The following IQCM variants were observed in gnomAD, a reference collection of about 807,000 sequenced individuals.
IQCM encodes IQ motif containing M.
In IQCM, 45 loss-of-function variants were observed where a neutral mutation model predicts 57.6. The observed-to-expected ratio is 0.78, with a 90% CI of 0.62 to 1.00. IQCM has a LOEUF of 1.00. Among genes scored for constraint, IQCM ranks in the 50% least tolerant of loss-of-function variants. The pLI, the probability that IQCM is intolerant of heterozygous loss-of-function variation, is 0.00. For missense variants in IQCM, 468 were observed against 511.6 expected, an observed-to-expected ratio of 0.91 and a Z score of 0.82; for synonymous variants, 148 against 158.9, an observed-to-expected ratio of 0.93 and a Z score of 0.51.
At chr4:149,647,980 A>G (rs1206130010) in intron 7 of IQCM, among the ~76,000 whole-genome samples, 3 of 152,134 alleles carry the variant, frequency 2.0e-5, no homozygotes, top group Non-Finnish European at 4.4e-5. Context: ...AATTCATTCC[A>G]CTAGTTACCT....
intron 8 of IQCM, among the ~76,000 whole-genome samples, chr4:149,602,238 A>G (rs1455792006): frequency 6.6e-6 from 1 of 152,120 alleles, no homozygotes; most frequent in Non-Finnish European, 1.5e-5. Flanking sequence ...AAAAAATAGT[A>G]TGCCACTTTA....
chr4:149,370,271 T>G (rs969068927), intron 13 of IQCM, among the ~76,000 whole-genome samples: 3 of 152,202 alleles, frequency 2.0e-5, no homozygotes, highest in Admixed American at 2.0e-4. Context: ...ATATTGGCAC[T>G]TCTACTTAAC....
At chr4:149,396,321 T>C (rs1732224573) in intron 13 of IQCM, among the ~76,000 whole-genome samples, 1 of 151,670 alleles carries the variant, frequency 6.6e-6, no homozygotes, top group South Asian at 2.1e-4. Flanking sequence ...CAGGTATACA[T>C]ATACATACAT....
intron 12 of IQCM, among the ~76,000 whole-genome samples, chr4:149,448,989 C>T (rs962190999): frequency 6.6e-6 from 1 of 151,122 alleles, no homozygotes; most frequent in Non-Finnish European, 1.5e-5. Context: ...CAAAATATTT[C>T]CAATATAAAA....
At chr4:149,556,667 C>T (rs1749616416) in intron 10 of IQCM, among the ~76,000 whole-genome samples, 1 of 152,136 alleles carries the variant, frequency 6.6e-6, no homozygotes, top group Admixed American at 6.6e-5. Context: ...AAAAATTGAA[C>T]ATTCTAAATA....
At chr4:149,709,464 T>A (rs750372676) in intron 5 of IQCM, among the ~76,000 whole-genome samples, 2 of 152,104 alleles carry the variant, frequency 1.3e-5, no homozygotes, top group Non-Finnish European at 2.9e-5. Flanking sequence ...CAAGGGGTCA[T>A]CACTAATGTG....
At chr4:149,600,792 T>C (rs1039728973) in intron 8 of IQCM, among the ~76,000 whole-genome samples, 3 of 152,210 alleles carry the variant, frequency 2.0e-5, no homozygotes, top group Non-Finnish European at 4.4e-5. Flanking sequence ...ACTCAGGATA[T>C]GCTTACATAA....
intron 5 of IQCM, among the ~76,000 whole-genome samples, chr4:149,692,829 T>A (rs1324253745): frequency 6.6e-6 from 1 of 152,072 alleles, no homozygotes; most frequent in Non-Finnish European, 1.5e-5. Context: ...AGAATTTCAG[T>A]TCTGAAATAT....
intron 13 of IQCM, among the ~76,000 whole-genome samples, chr4:149,413,171 A>G (rs1181834607): frequency 6.6e-6 from 1 of 152,200 alleles, no homozygotes; most frequent in Non-Finnish European, 1.5e-5. Context: ...GCCTTTTCCT[A>G]CCTAATAGTT....
At chr4:149,613,929 A>G (rs535863783) in intron 8 of IQCM, among the ~76,000 whole-genome samples, 1 of 152,138 alleles carries the variant, frequency 6.6e-6, no homozygotes, top group African/African-American at 2.4e-5. Context: ...ATAGCATTCC[A>G]TGGTGTATAT....
chr4:149,513,036 T>C (rs1012725221), intron 12 of IQCM, among the ~76,000 whole-genome samples: 4 of 152,196 alleles, frequency 2.6e-5, no homozygotes, highest in African/African-American at 9.6e-5. Flanking sequence ...GTGAACTATT[T>C]GTAGCCCAAA....
intron 12 of IQCM, among the ~76,000 whole-genome samples, chr4:149,452,366 G>A (rs776679887): frequency 6.7e-6 from 1 of 150,192 alleles, no homozygotes; most frequent in Non-Finnish European, 1.5e-5. Flanking sequence ...ATGAAAATAT[G>A]AAGTATCTAG....
chr4:149,436,072 T>G (rs1249258597), intron 12 of IQCM, among the ~76,000 whole-genome samples: 1 of 152,128 alleles, frequency 6.6e-6, no homozygotes, highest in Non-Finnish European at 1.5e-5. Flanking sequence ...AGTCATGTCC[T>G]AGGCCTTCAC....
intron 7 of IQCM, among the ~76,000 whole-genome samples, chr4:149,669,462 C>T (rs1761052283): frequency 6.6e-6 from 1 of 152,166 alleles, no homozygotes; most frequent in Non-Finnish European, 1.5e-5. Flanking sequence ...TTTTGCTATG[C>T]AGAAGCCCTT....
intron 13 of IQCM, among the ~76,000 whole-genome samples, chr4:149,401,152 G>A (rs1018607272): frequency 2.6e-5 from 4 of 151,614 alleles, no homozygotes; most frequent in Non-Finnish European, 5.9e-5. Context: ...GAAGGGATAC[G>A]ATGATGTAAG....
intron 13 of IQCM, among the ~76,000 whole-genome samples, chr4:149,359,500 T>C (rs1261461481): frequency 1.3e-5 from 2 of 152,194 alleles, no homozygotes; most frequent in Non-Finnish European, 2.9e-5. Context: ...GTAATTTTTA[T>C]TGTAGATAAT....
intron 6 of IQCM, among the ~76,000 whole-genome samples, chr4:149,685,385 C>T (rs937988178): frequency 6.6e-6 from 1 of 151,352 alleles, no homozygotes; most frequent in African/African-American, 2.4e-5. Flanking sequence ...AGTAAATTTC[C>T]AATATAATAA....
intron 2 of IQCM, among the ~76,000 whole-genome samples, chr4:149,784,746 T>G (rs1197615495): frequency 6.6e-6 from 1 of 152,166 alleles, no homozygotes; most frequent in Admixed American, 6.5e-5. Context: ...CCAACCAATA[T>G]GCATTGCGAA....
Position 149,619,123 on chromosome 4 carries a change from TATATATATAC to T in IQCM, c.681+1996_681+2005del, listed in dbSNP as rs201059473. ...TGTGGGATGGATATATATATATATA[TATATATATAC>T]ACCATGGAATACTACTCAGTCATAT... On this transcript the variant is annotated intron_variant, in intron 8 of 13. Transcript: ENST00000636793. 7.8e-3 allele frequency among the ~76,000 whole-genome samples: 1,158 copies of T among 148,876 alleles called. 39 individuals carry two copies. The highest frequency in any genetic ancestry group is 0.027 in the African/African-American group (1,103 of 40,244).
Sources: gnomAD v4.1 joint callset for allele counts (sites outside exome capture counted in the v4.1 genomes callset) on GRCh38, gnomAD v4.1.1 for gene constraint, MANE v1.5 for transcripts, NCBI Gene and HGNC (gene_info 2026-07-23, HGNC 2026-07-21) for gene names.